The following ACSL6 variants were observed in gnomAD, a reference collection of about 807,000 sequenced individuals.
ACSL6 encodes the protein acyl-CoA synthetase long chain family member 6.
In ACSL6, 47 loss-of-function variants were observed where a neutral mutation model predicts 98.2. The ratio of observed to expected loss-of-function variants is 0.48; its 90% CI spans 0.38 to 0.61. The LOEUF is 0.61. Ranked by LOEUF, ACSL6 falls within the 20% of genes least tolerant of loss-of-function variation. The pLI is 0.00. For synonymous variants in ACSL6, 362 were observed against 336.9 expected, an observed-to-expected ratio of 1.07 and a Z score of -0.82; for missense variants, 761 against 913.4, an observed-to-expected ratio of 0.83 and a Z score of 2.15.
chr5:131,991,531 G>T (rs1754512812), intron 2 of ACSL6, among the ~76,000 whole-genome samples: 1 of 152,210 alleles, frequency 6.6e-6, no homozygotes, highest in Non-Finnish European at 1.5e-5. Flanking sequence ...AGGGAGGGAG[G>T]ACAGGCTGAA....
At chr5:131,965,377 C>G (rs1752961964) in intron 17 of ACSL6, among the ~76,000 whole-genome samples, 2 of 152,166 alleles carry the variant, frequency 1.3e-5, no homozygotes, top group South Asian at 4.1e-4. Context: ...TCATTTGTTC[C>G]TCACAAAAAT....
chr5:131,964,065 A>C (rs1348270972), intron 17 of ACSL6, among the ~76,000 whole-genome samples: 1 of 152,220 alleles, frequency 6.6e-6, no homozygotes, highest in African/African-American at 2.4e-5. Flanking sequence ...TAAAAGCACA[A>C]ATGTCTTTAT....
chr5:131,958,363 T>A (rs1277595263), intron 20 of ACSL6, among the ~76,000 whole-genome samples: 1 of 152,178 alleles, frequency 6.6e-6, no homozygotes, highest in Non-Finnish European at 1.5e-5. Flanking sequence ...TCACAGAGGA[T>A]CCCATCACAC....
intron 3 of ACSL6, among the ~76,000 whole-genome samples, chr5:131,990,370 G>C (rs1338551085): frequency 3.3e-5 from 5 of 152,206 alleles, no homozygotes; most frequent in African/African-American, 4.8e-5. Flanking sequence ...TCATCCCAGG[G>C]ATCAGGGAGG....
Position 131,991,119 on chromosome 5 carries a change from C to T in ACSL6, c.271-152G>A, listed in dbSNP as rs144009496. The T allele has an allele frequency of 1.2e-3, 791 of 660,700 alleles. 2 individuals are homozygous for T. In the African/African-American group the frequency reaches 0.013, roughly 11 times the overall value. 40.9% of individuals were successfully genotyped at this position (660,700 alleles called of 1,614,324 possible). On this transcript the variant is annotated intron_variant, in intron 2 of 20. Transcript: ENST00000651883. ...ATCTGTGTGCCCGCGTACACATGGACTACACACACCTGGACTGTATACACT... is the reference window on the plus strand; with the variant it reads ...ATCTGTGTGCCCGCGTACACATGGATTACACACACCTGGACTGTATACACT...
chr5:131,993,913 GGA>G, intron 2 of ACSL6, 116 bp downstream of exon 2: 1 of 1,072,884 alleles, frequency 9.3e-7, no homozygotes. Flanking sequence ...GACTGCCAGG[GGA>G]GACACCTTCT....
At chr5:131,993,869 ACCCTG>A in intron 2 of ACSL6, 157 bp downstream of exon 2, 1 of 687,618 alleles carries the variant, frequency 1.5e-6, no homozygotes, top group Non-Finnish European at 2.4e-6. Flanking sequence ...CTGGTAGGAG[ACCCTG>A]CCCAAGGCTG....
intron 12 of ACSL6, 106 bp from the exon 13 acceptor site, chr5:131,972,964 AT>A: frequency 6.6e-7 from 1 of 1,517,362 alleles, no homozygotes; most frequent in Admixed American, 1.9e-5. Flanking sequence ...GCCATGTTCC[AT>A]TTTGCCCCTG....
At position 131,988,110 on chromosome 5, in the gene ACSL6, C is replaced by A. The variant is rs756507247; in HGVS notation, c.769G>T (p.Glu257Ter). Residue 257 changes from glutamate (E) to a stop codon, truncating the protein, a stop_gained, in exon 7 of 21, where the codon GAA becomes TAA. Coordinates refer to ENST00000651883, the MANE Select transcript of ACSL6 (RefSeq NM_001009185.3). LOFTEE classifies it high-confidence loss of function. ...KLIILMDPFE[E>*]ALKERGQKCG... ...TTCTGCCCTCTCTCTTTCAGGGCTTCTTCGAATGGGTCCATGAGGATGATC... is the reference window on the plus strand; with the variant it reads ...TTCTGCCCTCTCTCTTTCAGGGCTTATTCGAATGGGTCCATGAGGATGATC... 2 of 1,614,208 alleles carry A rather than the reference C, an allele frequency of 1.2e-6. No homozygotes were observed. Among genetic ancestry groups the A allele is most frequent in the Non-Finnish European group, 8.5e-7 (1 of 1,180,030 alleles).
Position 131,953,513 on chromosome 5 carries a change from G to C in ACSL6, c.*721C>G, listed in dbSNP as rs1752251064. On this transcript the variant is annotated 3_prime_UTR_variant, in exon 21 of 21. Transcript: ENST00000651883. The stretch of plus-strand genomic sequence containing the variant: ...CTCAGCTACTTGGGAGGTGAGACAG[G>C]AGGATCACTCGAGCCCAGGAGATGG... 1 of 190,478 alleles carries C rather than the reference G, an allele frequency of 5.2e-6. No individual in the cohort carries two copies. 11.8% of individuals were successfully genotyped at this position (190,478 alleles called of 1,614,324 possible). A position where few individuals can be genotyped will look rare whatever the true frequency, so the allele number is the denominator to read the frequency against.
chr5:131,987,903 G>C, intron 7 of ACSL6, 145 bp downstream of exon 7: 1 of 1,088,224 alleles, frequency 9.2e-7, no homozygotes, highest in South Asian at 1.6e-5. Context: ...ACCAGCCCTT[G>C]CAAAGCCTGC....
rs3857439 is a variant in ACSL6 at position 132,004,175 on chromosome 5, C to T, written c.49+7330G>A. 6.6e-3 allele frequency among the ~76,000 whole-genome samples: 1,003 copies of T among 151,858 alleles called. 13 individuals carry two copies. Among genetic ancestry groups the T allele is most frequent in the African/African-American group, 0.021 (890 of 41,422 alleles). ...GGATCACTAGCTTCCAGGGCTGGGG[C>T]TCCTTCTTCAACCAAGGCTCCATGC... On this transcript the variant is annotated intron_variant, in intron 1 of 20. Transcript: ENST00000651883.
intron 6 of ACSL6, 93 bp downstream of exon 6, chr5:131,988,712 A>AGACACT: frequency 1.9e-6 from 3 of 1,563,398 alleles, no homozygotes; most frequent in Middle Eastern, 1.7e-4. Flanking sequence ...AGTGCCTCTT[A>AGACACT]CGAGTGTCAG....
At chr5:131,994,329 T>C (rs1754682305) in intron 1 of ACSL6, 78 bp from the exon 2 acceptor site, 1 of 1,260,918 alleles carries the variant, frequency 7.9e-7, no homozygotes. Context: ...CAGGACCTGA[T>C]ATCTGGTCTG....
chr5:131,988,920 A>G lies in ACSL6; in HGVS notation c.553-16T>C, dbSNP rs1314180613. On this transcript the variant is annotated splice_polypyrimidine_tract_variant and intron_variant, in intron 5 of 20. Coordinates refer to ENST00000651883, the MANE Select transcript of ACSL6 (RefSeq NM_001009185.3). The stretch of plus-strand genomic sequence containing the variant: ...CAATGATCCACTGTGGAGACACATG[A>G]GGCGGGGGTGGGGAAGAAGGGGAGA... 29 of 1,078,948 alleles carry G rather than the reference A, an allele frequency of 2.7e-5. No homozygotes were observed. Among genetic ancestry groups the G allele is most frequent in the Non-Finnish European group, 3.4e-5 (24 of 715,264 alleles). The allele number at this position is 1,078,948 out of a possible 1,614,324, so 66.8% of individuals were successfully genotyped here.
chr5:131,978,448 A>G (rs996659211), intron 9 of ACSL6, among the ~76,000 whole-genome samples: 5 of 152,224 alleles, frequency 3.3e-5, no homozygotes, highest in Admixed American at 2.6e-4. Flanking sequence ...AGGAGAGGGC[A>G]GAAACCTCTG....
intron 4 of ACSL6, 75 bp from the exon 5 acceptor site, chr5:131,989,583 CTTTTTTTTTTTTTTTT>C (rs57391438): frequency 9.4e-5 from 17 of 180,624 alleles, no homozygotes; most frequent in Non-Finnish European, 1.5e-4. Flanking sequence ...AGGAGGAATT[CTTTTTTTTTTTTTTTT>C]TTTTTTTTTT....
intron 17 of ACSL6, among the ~76,000 whole-genome samples, chr5:131,966,098 C>A (rs529376745): frequency 1.3e-5 from 2 of 152,270 alleles, no homozygotes; most frequent in Admixed American, 1.3e-4. Context: ...AGACATGTAC[C>A]CCCTGTTCCT....
intron 9 of ACSL6, chr5:131,983,524 C>T (rs1326665531): frequency 6.6e-6 from 1 of 152,228 alleles, no homozygotes; most frequent in Non-Finnish European, 1.5e-5. Flanking sequence ...GGACATTTAG[C>T]TTACATTTAA....
Sources: gnomAD v4.1 joint callset for allele counts (sites outside exome capture counted in the v4.1 genomes callset) on GRCh38, gnomAD v4.1.1 for gene constraint, MANE v1.5 for transcripts, NCBI Gene and HGNC (gene_info 2026-07-23, HGNC 2026-07-21) for gene names.